NTRK2: variants seen among roughly 807,000 people sequenced by gnomAD.
NTRK2 encodes neurotrophic receptor tyrosine kinase 2, also known as BDNF/NT-3 growth factors receptor.
NTRK2 carries 13 observed loss-of-function variants against 94.5 expected under a neutral mutation model. That is an observed-to-expected ratio of 0.14 (90% CI 0.09 to 0.22). NTRK2 has a LOEUF of 0.22. NTRK2 is among the 10% of genes least tolerant of loss of function. The pLI is 1.00. For synonymous variants in NTRK2, 372 were observed against 407.4 expected (o/e 0.91, Z 1.05); for missense variants, 639 against 1,071.2 (o/e 0.60, Z 5.63).
chr9:84,774,903 AAAG>A (rs886410901), intron 12 of NTRK2, among the ~76,000 whole-genome samples: 8 of 152,188 alleles, frequency 5.3e-5, no homozygotes, highest in African/African-American at 1.7e-4. Flanking sequence ...AGGAAGGAAA[AAAG>A]AAGACAAAAA....
chr9:85,001,066 G>C (rs931153869), intron 17 of NTRK2, among the ~76,000 whole-genome samples: 11 of 152,146 alleles, frequency 7.2e-5, no homozygotes, highest in African/African-American at 2.7e-4. Flanking sequence ...TTCACTTTTA[G>C]TTATGAAACA....
chr9:84,905,408 C>T (rs1202547186), intron 14 of NTRK2, among the ~76,000 whole-genome samples: 1 of 151,936 alleles, frequency 6.6e-6, no homozygotes, highest in African/African-American at 2.4e-5. Context: ...TTCTGCTTCA[C>T]CTGAAGGATA....
At chr9:84,832,189 A>G (rs972933887) in intron 12 of NTRK2, among the ~76,000 whole-genome samples, 7 of 152,142 alleles carry the variant, frequency 4.6e-5, no homozygotes, top group African/African-American at 1.4e-4. Context: ...TAGATTCTTA[A>G]TAAGTTACAT....
At chr9:84,836,729 C>G (rs1243540155) in intron 12 of NTRK2, among the ~76,000 whole-genome samples, 1 of 148,912 alleles carries the variant, frequency 6.7e-6, no homozygotes, top group Admixed American at 6.8e-5. Flanking sequence ...CTACCACCTC[C>G]GCTGGGGCCT....
intron 12 of NTRK2, chr9:84,813,761 T>C: frequency 1.9e-6 from 2 of 1,066,054 alleles, no homozygotes; most frequent in Non-Finnish European, 2.3e-6. Flanking sequence ...CACTAATTTC[T>C]TTTCAACAGC....
At chr9:84,835,270 C>T (rs2073804069) in intron 12 of NTRK2, among the ~76,000 whole-genome samples, 1 of 152,126 alleles carries the variant, frequency 6.6e-6, no homozygotes, top group Non-Finnish European at 1.5e-5. Context: ...AGACATCTTT[C>T]CTCGCTTGCC....
intron 9 of NTRK2, among the ~76,000 whole-genome samples, chr9:84,732,147 C>T (rs2062935130): frequency 6.6e-6 from 1 of 152,176 alleles, no homozygotes; most frequent in South Asian, 2.1e-4. Context: ...CATGATGTTT[C>T]TCTTCCAGCA....
intron 12 of NTRK2, among the ~76,000 whole-genome samples, chr9:84,830,887 T>C (rs906702929): frequency 6.6e-6 from 1 of 152,222 alleles, no homozygotes; most frequent in Non-Finnish European, 1.5e-5. Flanking sequence ...AAATATTTCA[T>C]TTAGTTTTCC....
At chr9:84,763,095 A>T in intron 12 of NTRK2, among the ~76,000 whole-genome samples, 1 of 152,128 alleles carries the variant, frequency 6.6e-6, no homozygotes, top group Admixed American at 6.6e-5. Flanking sequence ...AAATACTGAG[A>T]CTGGCCCCCA....
chr9:84,780,156 C>G (rs750837275), intron 12 of NTRK2, among the ~76,000 whole-genome samples: 11 of 152,028 alleles, frequency 7.2e-5, no homozygotes, highest in Non-Finnish European at 1.5e-4. Context: ...GAAAAAAAAC[C>G]TGAGCTATCC....
intron 17 of NTRK2, among the ~76,000 whole-genome samples, chr9:84,973,262 G>T (rs530297515): frequency 6.6e-6 from 1 of 152,242 alleles, no homozygotes; most frequent in South Asian, 2.1e-4. Flanking sequence ...GAAACCCAGA[G>T]AACATTTGAT....
At chr9:84,942,957 T>C (rs936071774) in intron 15 of NTRK2, among the ~76,000 whole-genome samples, 3 of 152,202 alleles carry the variant, frequency 2.0e-5, no homozygotes, top group Non-Finnish European at 4.4e-5. Flanking sequence ...CTCAGGCATA[T>C]TAACCAAACA....
chr9:84,728,293 A>G (rs544341128), intron 9 of NTRK2, among the ~76,000 whole-genome samples: 8 of 152,306 alleles, frequency 5.3e-5, no homozygotes, highest in Admixed American at 2.6e-4. Flanking sequence ...CCATTGGCCA[A>G]AGCAAGTCAC....
At chr9:84,749,516 G>A (rs1029313060) in intron 11 of NTRK2, among the ~76,000 whole-genome samples, 1 of 152,174 alleles carries the variant, frequency 6.6e-6, no homozygotes, top group Admixed American at 6.5e-5. Context: ...TTATACTTGG[G>A]CAGACTTGGT....
intron 17 of NTRK2, among the ~76,000 whole-genome samples, chr9:84,997,443 C>T (rs561558570): frequency 6.6e-6 from 1 of 152,268 alleles, no homozygotes; most frequent in South Asian, 2.1e-4. Context: ...CACTCAGACC[C>T]AGGTATCTTA....
At chr9:84,814,627 T>G in intron 12 of NTRK2, 1 of 1,065,280 alleles carries the variant, frequency 9.4e-7, no homozygotes, top group Non-Finnish European at 1.1e-6. Context: ...CCTCCGCCTG[T>G]TTTGGTGCTA....
Position 84,922,923 on chromosome 9 carries a change from G to A in NTRK2, c.1634-11239G>A, listed in dbSNP as rs2077615101. Among the ~76,000 whole-genome samples the A allele has an allele frequency of 2.6e-5, 4 of 152,170 alleles. No individual in the cohort carries two copies. The South Asian group carries it at 6.2e-4, about 24-fold the overall frequency. On this transcript the variant is annotated intron_variant, in intron 14 of 18. Coordinates refer to ENST00000277120, the MANE Select transcript of NTRK2 (RefSeq NM_006180.6). ...ATATTAACACTACCTTTTAAAATAA[G>A]AGCTCTCAAATAAGCATATTAAAGA... is the stretch of plus-strand genomic sequence containing the variant.
At chr9:84,834,940 G>A (rs2073784676) in intron 12 of NTRK2, among the ~76,000 whole-genome samples, 1 of 152,164 alleles carries the variant, frequency 6.6e-6, no homozygotes, top group African/African-American at 2.4e-5. Context: ...AACAAAACAT[G>A]GGCAATATAG....
At chr9:84,995,157 C>T (rs1416050790) in intron 17 of NTRK2, among the ~76,000 whole-genome samples, 1 of 152,150 alleles carries the variant, frequency 6.6e-6, no homozygotes, top group Non-Finnish European at 1.5e-5. Context: ...GAAATGCAGT[C>T]CCTAGGTTCC....
Sources: allele counts gnomAD v4.1 joint callset (sites outside exome capture counted in the v4.1 genomes callset), GRCh38; gene constraint gnomAD v4.1.1; transcripts MANE v1.5; gene names NCBI Gene and HGNC (gene_info 2026-07-23, HGNC 2026-07-21).